TGFBR3: variants seen among roughly 807,000 people sequenced by gnomAD.
TGFBR3 encodes transforming growth factor beta receptor 3, also known as transforming growth factor beta receptor type 3.
In TGFBR3, 46 loss-of-function variants were observed where a neutral mutation model predicts 87.9. The observed-to-expected ratio is 0.52, with a 90% CI of 0.41 to 0.67. The LOEUF is 0.67. Ranked by LOEUF, TGFBR3 falls within the 30% of genes least tolerant of loss-of-function variation. The pLI is 0.00. For synonymous variants in TGFBR3, 381 were observed against 391.6 expected, an observed-to-expected ratio of 0.97 and a Z score of 0.32; for missense variants, 866 against 1,041.9, an observed-to-expected ratio of 0.83 and a Z score of 2.32.
intron 13 of TGFBR3, among the ~76,000 whole-genome samples, chr1:91,709,796 G>A (rs886545604): frequency 6.6e-6 from 1 of 152,104 alleles, no homozygotes; most frequent in East Asian, 1.9e-4. Flanking sequence ...GGGTCTTGCT[G>A]TGTTACCCAG....
intron 4 of TGFBR3, among the ~76,000 whole-genome samples, chr1:91,751,413 T>C (rs2100872271): frequency 6.6e-6 from 1 of 152,290 alleles, no homozygotes; most frequent in African/African-American, 2.4e-5. Context: ...GTATGGGCTG[T>C]GCGTGTCCCT....
chr1:91,712,071 T>G (rs773859690), intron 13 of TGFBR3, among the ~76,000 whole-genome samples, 172 bp downstream of exon 13: 55 of 152,212 alleles, frequency 3.6e-4, no homozygotes, highest in Non-Finnish European at 6.8e-4. Context: ...CTGTCAGGAT[T>G]TATTATCTAA....
At chr1:91,694,737 C>G (rs926402444) in intron 16 of TGFBR3, among the ~76,000 whole-genome samples, 2 of 152,188 alleles carry the variant, frequency 1.3e-5, no homozygotes, top group Non-Finnish European at 2.9e-5. Context: ...AGAAGCTGGG[C>G]CTGCCACTTG....
chr1:91,729,420 A>G (rs530120241), intron 6 of TGFBR3, among the ~76,000 whole-genome samples: 46 of 152,310 alleles, frequency 3.0e-4, no homozygotes, highest in African/African-American at 9.9e-4. Flanking sequence ...TTAATAGGGC[A>G]TATTTTGTAA....
At chr1:91,835,627 G>C (rs1677029185) in intron 2 of TGFBR3, among the ~76,000 whole-genome samples, 1 of 151,922 alleles carries the variant, frequency 6.6e-6, no homozygotes, top group Admixed American at 6.6e-5. Flanking sequence ...AGGAGATCGA[G>C]ACCATCCTGG....
At chr1:91,705,576 G>A (rs1203174742) in intron 14 of TGFBR3, among the ~76,000 whole-genome samples, 1 of 152,156 alleles carries the variant, frequency 6.6e-6, no homozygotes, top group East Asian at 1.9e-4. Context: ...GAGGCAGAAA[G>A]CACAGACTCC....
chr1:91,724,915 C>T (rs955233617), intron 7 of TGFBR3, among the ~76,000 whole-genome samples: 5 of 152,176 alleles, frequency 3.3e-5, no homozygotes, highest in African/African-American at 1.2e-4. Flanking sequence ...GAGCGTAGTG[C>T]ATATGCCCAC....
At chr1:91,801,082 TCAA>T in intron 2 of TGFBR3, 1 of 95,416 alleles carries the variant, frequency 1.0e-5, no homozygotes, top group Non-Finnish European at 2.0e-5. Context: ...AAACTCTGTC[TCAA>T]AAAAAAAAAA....
chr1:91,681,677 CT>C lies in TGFBR3; in HGVS notation c.*2061del. 2.3e-6 allele frequency: 1 copy of C among 442,484 alleles called. No homozygotes were observed. Among genetic ancestry groups the C allele is most frequent in the Non-Finnish European group, 4.5e-6 (1 of 223,472 alleles). 27.4% of individuals were successfully genotyped at this position (442,484 alleles called of 1,614,324 possible). On this transcript the variant is annotated 3_prime_UTR_variant, in exon 17 of 17. Coordinates refer to ENST00000212355, the MANE Select transcript of TGFBR3 (RefSeq NM_003243.5). ...AAATTAAACATTTCATATGGAGTAA[CT>C]TAAATTTATCTAAAACACTTAAATA... is the stretch of plus-strand genomic sequence containing the variant.
chr1:91,721,902 A>C, intron 8 of TGFBR3, 53 bp downstream of exon 8: 1 of 1,537,330 alleles, frequency 6.5e-7, no homozygotes, highest in Non-Finnish European at 9.0e-7. Context: ...CCTCACTGGA[A>C]AAGCTTCATT....
At chr1:91,902,623 T>C (rs1679752995) in intron 1 of TGFBR3, among the ~76,000 whole-genome samples, 1 of 151,888 alleles carries the variant, frequency 6.6e-6, no homozygotes, top group African/African-American at 2.4e-5. Flanking sequence ...TCTTTTTTTT[T>C]TCTCACATCT....
chr1:91,719,883 C>T lies in TGFBR3; in HGVS notation c.1413+10G>A. The stretch of plus-strand genomic sequence containing the variant: ...AGCCTCTCTTCCCTCCTGTAATCAG[C>T]TGCACCGACCTGAAAAGAATCTTTT... On this transcript the variant is annotated intron_variant, in intron 9 of 16. Coordinates refer to ENST00000212355, the MANE Select transcript of TGFBR3 (RefSeq NM_003243.5). 6.2e-7 allele frequency: 1 copy of T among 1,614,008 alleles called. No homozygotes were observed. Among genetic ancestry groups the T allele is most frequent in the Non-Finnish European group, 8.5e-7 (1 of 1,179,870 alleles).
chr1:91,687,443 G>A (rs1671126595), intron 16 of TGFBR3, among the ~76,000 whole-genome samples: 1 of 152,190 alleles, frequency 6.6e-6, no homozygotes, highest in African/African-American at 2.4e-5. Context: ...CTGACTTCCT[G>A]CTACCTCTTT....
intron 3 of TGFBR3, among the ~76,000 whole-genome samples, chr1:91,793,398 C>CCATGACATCATGA (rs1454955301): frequency 1.3e-5 from 2 of 152,148 alleles, no homozygotes; most frequent in African/African-American, 4.8e-5. Flanking sequence ...TCATGAAAAC[C>CCATGACATCATGA]AACTACTCCA....
intron 2 of TGFBR3, among the ~76,000 whole-genome samples, chr1:91,825,130 A>T (rs1676585756): frequency 6.6e-6 from 1 of 152,240 alleles, no homozygotes; most frequent in Non-Finnish European, 1.5e-5. Context: ...GGCCAAAGCC[A>T]TACTTCCCAG....
intron 1 of TGFBR3, among the ~76,000 whole-genome samples, chr1:91,865,530 A>C (rs1410205632): frequency 6.6e-6 from 1 of 152,236 alleles, no homozygotes; most frequent in Non-Finnish European, 1.5e-5. Context: ...CATTTTCCCC[A>C]CATTTCAAAG....
At chr1:91,880,222 AG>A (rs1679017843) in intron 1 of TGFBR3, among the ~76,000 whole-genome samples, 1 of 152,220 alleles carries the variant, frequency 6.6e-6, no homozygotes, top group African/African-American at 2.4e-5. Flanking sequence ...TTTACATTAA[AG>A]GCCCCTAAAA....
chr1:91,852,676 C>T (rs529219946), intron 2 of TGFBR3, among the ~76,000 whole-genome samples: 30 of 152,302 alleles, frequency 2.0e-4, no homozygotes, highest in African/African-American at 6.3e-4. Flanking sequence ...AAGTGGTTCT[C>T]CTGCCTCAGC....
intron 16 of TGFBR3, among the ~76,000 whole-genome samples, chr1:91,684,281 A>G (rs558016136): frequency 3.2e-4 from 49 of 152,314 alleles, no homozygotes; most frequent in African/African-American, 1.1e-3. Flanking sequence ...TGACCTTTCA[A>G]TTGTAGTTAA....
Sources: allele counts gnomAD v4.1 joint callset (sites outside exome capture counted in the v4.1 genomes callset), GRCh38; gene constraint gnomAD v4.1.1; transcripts MANE v1.5; gene names NCBI Gene and HGNC (gene_info 2026-07-23, HGNC 2026-07-21).